Variants in CRYBG3 observed in about 807,000 individuals in gnomAD.
The protein encoded by CRYBG3 is crystallin beta-gamma domain containing 3.
CRYBG3 carries 127 observed loss-of-function variants against 244.2 expected under a neutral mutation model. The ratio of observed to expected loss-of-function variants is 0.52; its 90% CI spans 0.45 to 0.60. CRYBG3 has a LOEUF of 0.60. Ranked by LOEUF, CRYBG3 falls within the 20% of genes least tolerant of loss-of-function variation. CRYBG3 has a pLI of 0.00. For synonymous variants in CRYBG3, 1,132 were observed against 1,195.8 expected (o/e 0.95, Z 1.10); for missense variants, 3,325 against 3,442.5 (o/e 0.97, Z 0.85).
In CRYBG3 at chr3:97,943,353, A is replaced by G; in HGVS notation, c.*39A>G. 8.5e-7 allele frequency: 1 copy of G among 1,181,186 alleles called. No homozygotes were observed. Among genetic ancestry groups the G allele is most frequent in the Non-Finnish European group, 1.3e-6 (1 of 793,730 alleles). The allele number at this position is 1,181,186 out of a possible 1,614,324, so 73.2% of individuals were successfully genotyped here. A position where few individuals can be genotyped will look rare whatever the true frequency, so the allele number is the denominator to read the frequency against. On this transcript the variant is annotated 3_prime_UTR_variant, in exon 22 of 22. Transcript: ENST00000389622. ...CCTAGAAAGATCCCTAGAAAGAGCA[A>G]AGAAGGAAACACATCTGTCATTGTC...
Position 97,875,715 on chromosome 3 carries a change from C to G in CRYBG3, c.4521C>G (p.Asn1507Lys). 1 of 1,232,136 alleles carries G rather than the reference C, an allele frequency of 8.1e-7. No individual in the cohort carries two copies. Among genetic ancestry groups the G allele is most frequent in the Non-Finnish European group, 1.0e-6 (1 of 988,108 alleles). 76.3% of individuals were successfully genotyped at this position (1,232,136 alleles called of 1,614,324 possible). The stretch of plus-strand genomic sequence containing the variant: ...GCCTTGTATGTATATCTGAAAAAAA[C>G]TTGCCAGGACACAGTAAAAACACAC... The part of the protein sequence containing the change: ...SDSLVCISEK[N>K]LPGHSKNTPL... Residue 1507 changes from asparagine to lysine, a missense_variant, in exon 4 of 22, where the codon AAC becomes AAG. Around this residue, in one of 4 missense-constraint regions of CRYBG3, gnomAD observed 635 missense variants for 771.7 expected, o/e 0.82. Transcript: ENST00000389622.
At chr3:97,836,587 G>C (rs1287360887) in intron 1 of CRYBG3, among the ~76,000 whole-genome samples, 1 of 152,098 alleles carries the variant, frequency 6.6e-6, no homozygotes, top group Non-Finnish European at 1.5e-5. Context: ...TTTGAGCAAA[G>C]AAAATTATAG....
At chr3:97,937,580 C>G (rs946133443) in intron 19 of CRYBG3, among the ~76,000 whole-genome samples, 5 of 152,074 alleles carry the variant, frequency 3.3e-5, no homozygotes, top group African/African-American at 1.2e-4. Context: ...TCCCAATCTA[C>G]ATTAGATCAT....
At chr3:97,849,417 A>G (rs1015163394) in intron 2 of CRYBG3, among the ~76,000 whole-genome samples, 5 of 151,976 alleles carry the variant, frequency 3.3e-5, no homozygotes, top group Non-Finnish European at 7.4e-5. Context: ...GGAAGTCAAA[A>G]TCTTGCCTCT....
In CRYBG3 at chr3:97,943,037, C is replaced by T. The variant is rs150260272; in HGVS notation, c.8825-189C>T. ...TACCTTTTAGTATTTCAATTTGAGT[C>T]ATAATAAGGTCCAATTTGAGGTGAA... On this transcript the variant is annotated intron_variant, in intron 21 of 21. Coordinates refer to ENST00000389622, the MANE Select transcript of CRYBG3 (RefSeq NM_153605.4). 2.2e-3 allele frequency: 1,227 copies of T among 556,962 alleles called. 15 individuals carry two copies. Among genetic ancestry groups the T allele is most frequent in the African/African-American group, 0.02 (1,032 of 51,276 alleles). 34.5% of individuals were successfully genotyped at this position (556,962 alleles called of 1,614,324 possible).
chr3:97,854,591 ATTT>A (rs36107870), intron 2 of CRYBG3, among the ~76,000 whole-genome samples: 4 of 137,014 alleles, frequency 2.9e-5, no homozygotes. Context: ...ACTCCTAAGT[ATTT>A]TTTTTTTTTT....
chr3:97,880,127 C>A (rs1200640993), intron 6 of CRYBG3, 27 bp downstream of exon 6: 3 of 1,185,594 alleles, frequency 2.5e-6, no homozygotes, highest in Non-Finnish European at 2.4e-6. Flanking sequence ...AATTTTATAG[C>A]ATATTTTCTT....
chr3:97,899,120 T>C lies in CRYBG3; in HGVS notation c.7845-17T>C, dbSNP rs186186290. ...CACTTGTTTTTATTTTTTTGTTTTT[T>C]CTTTTTTCCCTACTAGATGGGTTGC... is the stretch of plus-strand genomic sequence containing the variant. On this transcript the variant is annotated splice_polypyrimidine_tract_variant and intron_variant, in intron 13 of 21. Coordinates refer to ENST00000389622, the MANE Select transcript of CRYBG3 (RefSeq NM_153605.4). The C allele has an allele frequency of 6.3e-7, 1 of 1,599,192 alleles. No individual in the cohort carries two copies. Among genetic ancestry groups the C allele is most frequent in the Admixed American group, 1.8e-5 (1 of 56,024 alleles).
At chr3:97,850,256 A>C (rs1465370103) in intron 2 of CRYBG3, among the ~76,000 whole-genome samples, 1 of 152,084 alleles carries the variant, frequency 6.6e-6, no homozygotes, top group Non-Finnish European at 1.5e-5. Flanking sequence ...TATATAACTC[A>C]TACTTTTCTT....
At chr3:97,870,636 A>G (rs1474780000) in intron 3 of CRYBG3, among the ~76,000 whole-genome samples, 1 of 152,160 alleles carries the variant, frequency 6.6e-6, no homozygotes, top group Non-Finnish European at 1.5e-5. Context: ...GGAAATTGAA[A>G]GGTAATTAGA....
At chr3:97,838,355 G>GT (rs1169853467) in intron 1 of CRYBG3, among the ~76,000 whole-genome samples, 1 of 152,068 alleles carries the variant, frequency 6.6e-6, no homozygotes, top group African/African-American at 2.4e-5. Context: ...ACAGCTATCA[G>GT]TTGTTGATGT....
At position 97,891,655 on chromosome 3, in the gene CRYBG3, G is replaced by A. The variant is rs574734321; in HGVS notation, c.7441-1205G>A. Among the ~76,000 whole-genome samples the A allele has an allele frequency of 2.5e-4, 38 of 152,200 alleles. No homozygotes were observed. The South Asian group carries it at 7.9e-3, about 32-fold the overall frequency. On this transcript the variant is annotated intron_variant, in intron 10 of 21. Transcript: ENST00000389622. The stretch of plus-strand genomic sequence containing the variant: ...TGCAGTCTTTTTTATGTTATTAACT[G>A]AAGGAAAATGGGTTTCCTTTAGAGT...
intron 16 of CRYBG3, among the ~76,000 whole-genome samples, chr3:97,913,012 T>G (rs1470513525): frequency 6.6e-6 from 1 of 152,268 alleles, no homozygotes; most frequent in East Asian, 1.9e-4. Flanking sequence ...ATCTTAGGTT[T>G]GTCAGTTTTC....
At chr3:97,906,666 A>G (rs1174057141) in intron 15 of CRYBG3, among the ~76,000 whole-genome samples, 3 of 142,288 alleles carry the variant, frequency 2.1e-5, no homozygotes, top group Non-Finnish European at 3.1e-5. Context: ...GGGGTTTTCT[A>G]GATATACAAT....
chr3:97,842,923 G>C (rs1360030744), intron 1 of CRYBG3, among the ~76,000 whole-genome samples: 1 of 152,132 alleles, frequency 6.6e-6, no homozygotes, highest in Non-Finnish European at 1.5e-5. Context: ...GTGCTCTTTT[G>C]TTCAGATATA....
chr3:97,937,843 G>A (rs1424537497), intron 19 of CRYBG3, among the ~76,000 whole-genome samples: 2 of 152,058 alleles, frequency 1.3e-5, no homozygotes, highest in African/African-American at 4.8e-5. Flanking sequence ...AAGTATAATG[G>A]AAAATATAAA....
At position 97,888,431 on chromosome 3, in the gene CRYBG3, G is replaced by T; in HGVS notation, c.7380G>T (p.Met2460Ile). The change falls in exon 9 of 22, where the codon ATG becomes ATT. Residue 2460 changes from methionine to isoleucine, a missense_variant. Around this residue, in one of 4 missense-constraint regions of CRYBG3, gnomAD observed 714 missense variants for 803.6 expected, o/e 0.89. Transcript: ENST00000389622. ...HGLFEISTAE[M>I]KSLHPLQMGG... ...TCTTTGAGATTTCTACAGCAGAAATGAAATCATTACATCCGCTTCAAATGG... is the reference window on the plus strand; with the variant it reads ...TCTTTGAGATTTCTACAGCAGAAATTAAATCATTACATCCGCTTCAAATGG... 6.2e-7 allele frequency: 1 copy of T among 1,608,580 alleles called. No individual in the cohort carries two copies. Among genetic ancestry groups the T allele is most frequent in the East Asian group, 2.2e-5 (1 of 44,784 alleles).
intron 1 of CRYBG3, among the ~76,000 whole-genome samples, chr3:97,833,786 A>G (rs1349848388): frequency 1.3e-5 from 2 of 152,154 alleles, no homozygotes; most frequent in South Asian, 2.1e-4. Context: ...GTTCTGTGCT[A>G]TAAAGGAATA....
rs573614176 is a variant in CRYBG3, at chr3:97,871,670, T to G, written c.648-172T>G. On this transcript the variant is annotated intron_variant, in intron 3 of 21. Coordinates refer to ENST00000389622, the MANE Select transcript of CRYBG3 (RefSeq NM_153605.4). ...TGACATTCAGGTGCTACTTGTTAAATTTTTATTATTTTTAATAAAGGTAAA... is the reference window on the plus strand; with the variant it reads ...TGACATTCAGGTGCTACTTGTTAAAGTTTTATTATTTTTAATAAAGGTAAA... Among the ~76,000 whole-genome samples the G allele has an allele frequency of 3.3e-5, 5 of 152,318 alleles. No individual in the cohort carries two copies. In the South Asian group the frequency reaches 1.0e-3, roughly 32 times the overall value.
Sources: gnomAD v4.1 joint callset for allele counts (sites outside exome capture counted in the v4.1 genomes callset) on GRCh38, gnomAD v4.1.1 for gene constraint, gnomAD v4.1.1 regional missense constraint, MANE v1.5 for transcripts, NCBI Gene and HGNC (gene_info 2026-07-23, HGNC 2026-07-21) for gene names.